ADAMTS9: variants seen among roughly 807,000 people sequenced by gnomAD.
ADAMTS9 encodes the protein ADAM metallopeptidase with thrombospondin type 1 motif 9, also known as A disintegrin and metalloproteinase with thrombospondin motifs 9.
In ADAMTS9, 107 loss-of-function variants were observed where a neutral mutation model predicts 257.1. The observed-to-expected ratio is 0.42, with a 90% confidence interval of 0.36 to 0.49. The LOEUF is 0.49. Ranked by LOEUF, ADAMTS9 falls within the 20% of genes least tolerant of loss-of-function variation. ADAMTS9 has a pLI of 0.03. For synonymous variants in ADAMTS9, 982 were observed against 880.9 expected, an observed-to-expected ratio of 1.11 and a Z score of -2.03; for missense variants, 2,353 against 2,469.1, an observed-to-expected ratio of 0.95 and a Z score of 1.00.
At chr3:64,655,959 TC>T (rs1701059103) in intron 4 of ADAMTS9, 84 bp from the exon 5 acceptor site, 2 of 791,858 alleles carry the variant, frequency 2.5e-6, no homozygotes, top group East Asian at 5.2e-5. Context: ...GGGCTCCACC[TC>T]TTTTTTACGT....
At chr3:64,532,927 G>C (rs1575986071) in intron 38 of ADAMTS9, among the ~76,000 whole-genome samples, 1 of 152,108 alleles carries the variant, frequency 6.6e-6, no homozygotes, top group Non-Finnish European at 1.5e-5. Context: ...TACTTGGATG[G>C]TTCATATGTT....
intron 38 of ADAMTS9, among the ~76,000 whole-genome samples, chr3:64,525,076 T>C (rs921276212): frequency 6.6e-6 from 1 of 152,244 alleles, no homozygotes; most frequent in Non-Finnish European, 1.5e-5. Flanking sequence ...CTTTAACATC[T>C]GTCTTCCTAC....
chr3:64,622,036 C>T (rs1011956461), intron 18 of ADAMTS9, among the ~76,000 whole-genome samples, 162 bp downstream of exon 18: 12 of 152,010 alleles, frequency 7.9e-5, no homozygotes, highest in African/African-American at 2.9e-4. Context: ...AAAAGTTCAA[C>T]TTCCCAGCCA....
intron 3 of ADAMTS9, among the ~76,000 whole-genome samples, chr3:64,680,417 T>C (rs1482510732): frequency 6.6e-6 from 1 of 152,216 alleles, no homozygotes; most frequent in Non-Finnish European, 1.5e-5. Flanking sequence ...AATTGAGGAA[T>C]TATTTCATAG....
intron 11 of ADAMTS9, among the ~76,000 whole-genome samples, chr3:64,645,033 T>A (rs566437539): frequency 6.6e-6 from 1 of 152,342 alleles, no homozygotes; most frequent in Admixed American, 6.5e-5. Flanking sequence ...AAGTGTCTGA[T>A]ATGACAGATG....
At chr3:64,584,026 C>T (rs9845403) in intron 28 of ADAMTS9, 53,519 of 152,048 alleles carry the variant, frequency 0.35, 10,788 homozygotes, top group Non-Finnish European at 0.46. Context: ...GGATATGTTA[C>T]GTCTGATTCA....
At chr3:64,576,666 A>C (rs1407472482) in intron 28 of ADAMTS9, among the ~76,000 whole-genome samples, 1 of 152,186 alleles carries the variant, frequency 6.6e-6, no homozygotes, top group African/African-American at 2.4e-5. Context: ...GGGAACACCA[A>C]GGAAGAAAGC....
chr3:64,630,974 G>A (rs1024432684), intron 16 of ADAMTS9, among the ~76,000 whole-genome samples: 4 of 152,070 alleles, frequency 2.6e-5, no homozygotes, highest in South Asian at 2.1e-4. Flanking sequence ...AGAAAAATAC[G>A]TGTCACCATA....
chr3:64,625,318 T>C lies in ADAMTS9; in HGVS notation c.2390-2732A>G, dbSNP rs145722139. On this transcript the variant is annotated intron_variant, in intron 16 of 39. Coordinates refer to ENST00000498707, the MANE Select transcript of ADAMTS9 (RefSeq NM_182920.2). ...TAGCTAGATCCTAACTCATCTTTCA[T>C]TGATGCAGGCCATCTCATCAATGTA... Among the ~76,000 whole-genome samples the C allele has an allele frequency of 1.9e-4, 29 of 152,332 alleles. No individual in the cohort carries two copies. The East Asian group carries it at 3.7e-3, about 19-fold the overall frequency.
At chr3:64,566,571 T>C (rs2083550655) in intron 29 of ADAMTS9, among the ~76,000 whole-genome samples, 1 of 152,232 alleles carries the variant, frequency 6.6e-6, no homozygotes, top group African/African-American at 2.4e-5. Flanking sequence ...TAAGCAATTT[T>C]AGGCTTCCCA....
chr3:64,670,442 C>G (rs183364099), intron 3 of ADAMTS9, among the ~76,000 whole-genome samples: 1 of 152,256 alleles, frequency 6.6e-6, no homozygotes, highest in East Asian at 1.9e-4. Flanking sequence ...TGGGCAAGCT[C>G]TATACTGCAT....
At chr3:64,527,395 A>G (rs2082923903) in intron 38 of ADAMTS9, among the ~76,000 whole-genome samples, 1 of 152,158 alleles carries the variant, frequency 6.6e-6, no homozygotes, top group South Asian at 2.1e-4. Context: ...GAAGACCAGC[A>G]TACCTTTGAC....
At chr3:64,630,622 C>T (rs1244496692) in intron 16 of ADAMTS9, among the ~76,000 whole-genome samples, 1 of 151,994 alleles carries the variant, frequency 6.6e-6, no homozygotes, top group African/African-American at 2.4e-5. Context: ...TTGTGGGATG[C>T]AGGATGTGTG....
chr3:64,553,575 C>T, intron 30 of ADAMTS9, among the ~76,000 whole-genome samples: 1 of 152,070 alleles, frequency 6.6e-6, no homozygotes, highest in Non-Finnish European at 1.5e-5. Context: ...AGTGGAATTG[C>T]TGGGTCATAT....
At chr3:64,578,909 T>C (rs1302017181) in intron 28 of ADAMTS9, among the ~76,000 whole-genome samples, 1 of 152,180 alleles carries the variant, frequency 6.6e-6, no homozygotes, top group Non-Finnish European at 1.5e-5. Context: ...CAATGCTTTC[T>C]CTCATCTGAG....
chr3:64,643,786 C>T (rs1700719896), intron 11 of ADAMTS9, among the ~76,000 whole-genome samples: 1 of 146,818 alleles, frequency 6.8e-6, no homozygotes. Context: ...TTTTTTAATG[C>T]TTTTTTTTTT....
At chr3:64,518,799 G>A (rs2082814738) in intron 39 of ADAMTS9, among the ~76,000 whole-genome samples, 1 of 133,206 alleles carries the variant, frequency 7.5e-6, no homozygotes, top group African/African-American at 2.9e-5. Flanking sequence ...TTGAGACAGA[G>A]GCTTACTCTC....
intron 3 of ADAMTS9, among the ~76,000 whole-genome samples, chr3:64,679,871 T>C (rs1701711700): frequency 6.6e-6 from 1 of 152,248 alleles, no homozygotes; most frequent in Non-Finnish European, 1.5e-5. Context: ...CTGGCAGTCT[T>C]GACTGTATAC....
intron 38 of ADAMTS9, among the ~76,000 whole-genome samples, chr3:64,528,094 G>T (rs1178279208): frequency 6.6e-6 from 1 of 152,134 alleles, no homozygotes; most frequent in Non-Finnish European, 1.5e-5. Context: ...TTAGAACAGT[G>T]GCCCTAGTTC....
Sources: allele counts gnomAD v4.1 joint callset (sites outside exome capture counted in the v4.1 genomes callset), GRCh38; gene constraint gnomAD v4.1.1; transcripts MANE v1.5; gene names NCBI Gene and HGNC (gene_info 2026-07-23, HGNC 2026-07-21).